The following NRXN1 variants were observed in gnomAD, a reference collection of about 807,000 sequenced individuals.
NRXN1 encodes neurexin-1.
A neutral mutation model predicts 150.9 loss-of-function variants in NRXN1; 39 were observed. That is an observed-to-expected ratio of 0.26 (90% CI 0.20 to 0.34). The LOEUF (loss-of-function observed/expected upper bound fraction) is 0.34. Among genes scored for constraint, NRXN1 ranks in the 10% least tolerant of loss-of-function variants. The probability of loss-of-function intolerance (pLI) is 1.00; values close to 1 mark genes in which losing one functional copy is unlikely to be tolerated. For synonymous variants in NRXN1, 924 were observed against 757.0 expected (o/e 1.22, Z -3.62); for missense variants, 1,815 against 1,949.9 (o/e 0.93, Z 1.30).
chr2:50,484,573 C>A (rs1281835595), intron 15 of NRXN1, among the ~76,000 whole-genome samples: 2 of 152,144 alleles, frequency 1.3e-5, no homozygotes, highest in Non-Finnish European at 2.9e-5. Flanking sequence ...TAGGCCAACC[C>A]CCAATCACCC....
intron 5 of NRXN1, among the ~76,000 whole-genome samples, chr2:50,709,365 T>G (rs750110531): frequency 6.6e-6 from 1 of 152,158 alleles, no homozygotes; most frequent in African/African-American, 2.4e-5. Flanking sequence ...CCAACAATTA[T>G]GATAAGTACA....
chr2:49,974,776 A>T (rs1197171496), intron 21 of NRXN1, among the ~76,000 whole-genome samples: 3 of 148,240 alleles, frequency 2.0e-5, no homozygotes, highest in African/African-American at 7.4e-5. Context: ...TTGGCCAATT[A>T]CAACTGTTGC....
chr2:49,942,216 T>A (rs1195558049), intron 22 of NRXN1, among the ~76,000 whole-genome samples: 1 of 152,070 alleles, frequency 6.6e-6, no homozygotes, highest in Non-Finnish European at 1.5e-5. Flanking sequence ...GAGTCCTGAC[T>A]GGCACTGTGG....
intron 18 of NRXN1, among the ~76,000 whole-genome samples, chr2:50,116,472 T>C (rs1321970780): frequency 6.6e-6 from 1 of 152,004 alleles, no homozygotes; most frequent in African/African-American, 2.4e-5. Context: ...AGCCAAAAAT[T>C]AGTCCTCAAA....
At chr2:50,717,365 T>C (rs1208518476) in intron 5 of NRXN1, among the ~76,000 whole-genome samples, 3 of 152,172 alleles carry the variant, frequency 2.0e-5, no homozygotes, top group Non-Finnish European at 2.9e-5. Flanking sequence ...CTTGTCCCCA[T>C]TGAAACACAA....
At chr2:50,192,176 TATTTA>T (rs1347402381) in intron 18 of NRXN1, among the ~76,000 whole-genome samples, 4 of 152,224 alleles carry the variant, frequency 2.6e-5, no homozygotes, top group Non-Finnish European at 5.9e-5. Flanking sequence ...TCAATTTCAG[TATTTA>T]ATTTAATTCA....
intron 18 of NRXN1, among the ~76,000 whole-genome samples, chr2:50,115,374 C>T (rs530003766): frequency 6.6e-5 from 10 of 151,684 alleles, no homozygotes; most frequent in East Asian, 3.9e-4. Flanking sequence ...CCCGAGATTA[C>T]GTAATACCAA....
At chr2:50,351,065 T>C (rs2078375437) in intron 17 of NRXN1, among the ~76,000 whole-genome samples, 1 of 152,194 alleles carries the variant, frequency 6.6e-6, no homozygotes, top group Non-Finnish European at 1.5e-5. Flanking sequence ...GTAATCTGGA[T>C]GAAGCAAATA....
intron 17 of NRXN1, among the ~76,000 whole-genome samples, chr2:50,428,612 A>T (rs973536333): frequency 3.9e-5 from 6 of 152,200 alleles, no homozygotes; most frequent in Admixed American, 3.9e-4. Flanking sequence ...TTATGATTAG[A>T]GGCGGGACGG....
At chr2:50,443,785 G>A (rs2086170029) in intron 17 of NRXN1, among the ~76,000 whole-genome samples, 1 of 152,088 alleles carries the variant, frequency 6.6e-6, no homozygotes, top group African/African-American at 2.4e-5. Context: ...ATACTTATTT[G>A]TGTTCATGGA....
At chr2:50,669,412 T>TA (rs1445185748) in intron 5 of NRXN1, among the ~76,000 whole-genome samples, 1 of 151,966 alleles carries the variant, frequency 6.6e-6, no homozygotes, top group Admixed American at 6.6e-5. Context: ...ATATCAAAAA[T>TA]ACAAACAGAA....
At chr2:50,471,892 A>G (rs901712160) in intron 16 of NRXN1, among the ~76,000 whole-genome samples, 1 of 151,932 alleles carries the variant, frequency 6.6e-6, no homozygotes, top group African/African-American at 2.4e-5. Flanking sequence ...AATTAAAACA[A>G]AAAGAATGTA....
chr2:50,619,561 A>G (rs1193922415), intron 8 of NRXN1: 3 of 202,326 alleles, frequency 1.5e-5, no homozygotes, highest in African/African-American at 6.9e-5. Context: ...GTCATTATAT[A>G]GACTTATTTT....
At chr2:50,601,856 G>A (rs1676332450) in intron 8 of NRXN1, among the ~76,000 whole-genome samples, 1 of 152,096 alleles carries the variant, frequency 6.6e-6, no homozygotes, top group Non-Finnish European at 1.5e-5. Flanking sequence ...AGGTAATTCT[G>A]TTTCATGGGT....
intron 5 of NRXN1, chr2:50,631,383 G>T: frequency 4.3e-6 from 1 of 230,998 alleles, no homozygotes. Flanking sequence ...AAATATGAAA[G>T]GTAAGTTAGA....
At chr2:50,510,417 C>T (rs1283422338) in intron 12 of NRXN1, among the ~76,000 whole-genome samples, 8 of 121,086 alleles carry the variant, frequency 6.6e-5, no homozygotes, top group Non-Finnish European at 1.1e-4. Flanking sequence ...ACCCAGGAGG[C>T]GGAGGTTGCA....
At chr2:50,220,705 A>G (rs2063817378) in intron 18 of NRXN1, among the ~76,000 whole-genome samples, 1 of 152,018 alleles carries the variant, frequency 6.6e-6, no homozygotes, top group Non-Finnish European at 1.5e-5. Context: ...TATATTAGCT[A>G]GACCGTCATC....
At chr2:50,039,849 A>G (rs1019835960) in intron 21 of NRXN1, among the ~76,000 whole-genome samples, 2 of 152,218 alleles carry the variant, frequency 1.3e-5, no homozygotes, top group African/African-American at 2.4e-5. Flanking sequence ...AATATAACGC[A>G]AAATAAAATG....
At chr2:50,116,686 C>CA (rs1703117356) in intron 18 of NRXN1, among the ~76,000 whole-genome samples, 1 of 152,046 alleles carries the variant, frequency 6.6e-6, no homozygotes. Context: ...GAGGAATAGG[C>CA]AAAATCTTCC....
Sources: gnomAD v4.1 joint callset for allele counts (sites outside exome capture counted in the v4.1 genomes callset) on GRCh38, gnomAD v4.1.1 for gene constraint, MANE v1.5 for transcripts, NCBI Gene and HGNC (gene_info 2026-07-23, HGNC 2026-07-21) for gene names.